Variants in CNTNAP2 observed in about 807,000 individuals in gnomAD.
CNTNAP2 encodes the protein contactin associated protein 2, also known as contactin-associated protein-like 2.
CNTNAP2 carries 98 observed loss-of-function variants against 155.2 expected under a neutral mutation model. The observed-to-expected ratio is 0.63, with a 90% CI of 0.54 to 0.75. CNTNAP2 has a LOEUF of 0.75. Among genes scored for constraint, CNTNAP2 ranks in the 30% least tolerant of loss-of-function variants. The pLI, the probability that CNTNAP2 is intolerant of heterozygous loss-of-function variation, is 0.00. For missense variants in CNTNAP2, 1,727 were observed against 1,688.1 expected (o/e 1.02, Z -0.40); for synonymous variants, 651 against 631.2 (o/e 1.03, Z -0.47).
intron 9 of CNTNAP2, among the ~76,000 whole-genome samples, chr7:147,337,449 A>G (rs1445581024): frequency 2.6e-5 from 4 of 152,124 alleles, no homozygotes; most frequent in South Asian, 2.1e-4. Context: ...TGCATTTCCA[A>G]TGTATTCTAC....
intron 21 of CNTNAP2, among the ~76,000 whole-genome samples, chr7:148,286,598 T>TAA (rs11424873): frequency 0.12 from 18,961 of 151,958 alleles, 1,433 homozygotes; most frequent in African/African-American, 0.21. Flanking sequence ...TAAAACACGT[T>TAA]AAAAAAAATC....
At chr7:147,405,466 T>C (rs1796990042) in intron 10 of CNTNAP2, among the ~76,000 whole-genome samples, 2 of 152,198 alleles carry the variant, frequency 1.3e-5, no homozygotes, top group African/African-American at 2.4e-5. Context: ...TGTAAAATAT[T>C]GGGACTGATA....
At chr7:146,737,193 C>T (rs1401025548) in intron 1 of CNTNAP2, among the ~76,000 whole-genome samples, 1 of 152,038 alleles carries the variant, frequency 6.6e-6, no homozygotes, top group South Asian at 2.1e-4. Flanking sequence ...TTGTGTACAA[C>T]ATGATGTTTT....
At chr7:146,969,829 T>C (rs370156006) in intron 3 of CNTNAP2, among the ~76,000 whole-genome samples, 7 of 151,934 alleles carry the variant, frequency 4.6e-5, no homozygotes, top group South Asian at 2.1e-4. Context: ...GCTACAGTAA[T>C]CAAAACAGCA....
At chr7:147,745,695 A>T (rs1294066398) in intron 13 of CNTNAP2, among the ~76,000 whole-genome samples, 1 of 152,220 alleles carries the variant, frequency 6.6e-6, no homozygotes, top group African/African-American at 2.4e-5. Context: ...TGGTAAAAAG[A>T]TTTAAAACAA....
At chr7:148,358,950 C>A (rs1473690268) in intron 21 of CNTNAP2, among the ~76,000 whole-genome samples, 1 of 152,192 alleles carries the variant, frequency 6.6e-6, no homozygotes, top group African/African-American at 2.4e-5. Flanking sequence ...ATGAGGACTC[C>A]TTAGCTCTTC....
At chr7:148,073,838 A>G (rs1002602678) in intron 15 of CNTNAP2, among the ~76,000 whole-genome samples, 13 of 152,056 alleles carry the variant, frequency 8.5e-5, no homozygotes, top group African/African-American at 2.9e-4. Context: ...CCAAGGCAAG[A>G]CACAAATATA....
chr7:147,473,925 C>G (rs1405369275), intron 10 of CNTNAP2, among the ~76,000 whole-genome samples: 4 of 151,554 alleles, frequency 2.6e-5, no homozygotes, highest in African/African-American at 9.7e-5. Context: ...ACTAAAAATT[C>G]AAAATCAGCC....
At chr7:147,200,327 C>T (rs1053524454) in intron 8 of CNTNAP2, among the ~76,000 whole-genome samples, 3 of 152,134 alleles carry the variant, frequency 2.0e-5, no homozygotes, top group Non-Finnish European at 2.9e-5. Flanking sequence ...TCCACGGATG[C>T]TGGCAGAAGA....
chr7:148,289,420 G>A (rs1282104381), intron 21 of CNTNAP2, among the ~76,000 whole-genome samples: 1 of 152,148 alleles, frequency 6.6e-6, no homozygotes, highest in Non-Finnish European at 1.5e-5. Flanking sequence ...GGAGTTTTCG[G>A]AACAGATTTG....
intron 4 of CNTNAP2, among the ~76,000 whole-genome samples, chr7:147,085,037 G>GAGAAAAGCATTTTTTCTCCAAGTT (rs1363432522): frequency 2.6e-5 from 4 of 151,830 alleles, no homozygotes; most frequent in Non-Finnish European, 4.4e-5. Context: ...TCTCAAAGTT[G>GAGAAAAGCATTTTTTCTCCAAGTT]AGAAAAGCAT....
chr7:146,625,916 C>A (rs1039732672), intron 1 of CNTNAP2, among the ~76,000 whole-genome samples: 1 of 152,052 alleles, frequency 6.6e-6, no homozygotes, highest in African/African-American at 2.4e-5. Context: ...TTATTAGCTA[C>A]AATGCCTCAC....
rs537176786 is a variant in CNTNAP2 at position 146,344,747 on chromosome 7, G to C, written c.97+227774G>C. On this transcript the variant is annotated intron_variant, in intron 1 of 23. Transcript: ENST00000361727. ...CCCACCTCGGCCTCCCAAAGTGCTG[G>C]ATTGCTGGCATGAGCCACTGCTCCC... is the stretch of plus-strand genomic sequence containing the variant. Among the ~76,000 whole-genome samples, 8 of 152,288 alleles carry C rather than the reference G, an allele frequency of 5.3e-5. No homozygotes were observed. The East Asian group carries it at 1.5e-3, about 29-fold the overall frequency.
At chr7:146,802,172 T>C (rs911231911) in intron 2 of CNTNAP2, among the ~76,000 whole-genome samples, 5 of 152,142 alleles carry the variant, frequency 3.3e-5, no homozygotes, top group African/African-American at 1.2e-4. Flanking sequence ...TTCTCTGATA[T>C]GGGTATCATG....
At chr7:146,794,772 C>A (rs534602715) in intron 2 of CNTNAP2, among the ~76,000 whole-genome samples, 32 of 152,130 alleles carry the variant, frequency 2.1e-4, no homozygotes, top group Non-Finnish European at 4.0e-4. Context: ...ATTATTCATT[C>A]AGAAAAACAA....
intron 8 of CNTNAP2, among the ~76,000 whole-genome samples, chr7:147,147,112 G>C (rs920968129): frequency 2.6e-5 from 4 of 152,134 alleles, no homozygotes; most frequent in African/African-American, 9.7e-5. Context: ...GAAGCGAAGG[G>C]GAAGCAAACT....
At chr7:147,343,438 T>G (rs969869358) in intron 9 of CNTNAP2, among the ~76,000 whole-genome samples, 2 of 152,094 alleles carry the variant, frequency 1.3e-5, no homozygotes, top group African/African-American at 4.8e-5. Context: ...AAGTGGAACA[T>G]GTGGATAAAA....
rs1257700139 is a variant in CNTNAP2, at chr7:146,252,718, T to A, written c.97+135745T>A. On this transcript the variant is annotated intron_variant, in intron 1 of 23. Coordinates refer to ENST00000361727, the MANE Select transcript of CNTNAP2 (RefSeq NM_014141.6). ...GCCAGTTATGTTTTAGGATACCCAT[T>A]GCCTTATATTCTTAAAAAGAAAAGA... Among the ~76,000 whole-genome samples, 7 of 152,036 alleles carry A rather than the reference T, an allele frequency of 4.6e-5. No homozygotes were observed. The East Asian group carries it at 9.7e-4, about 21-fold the overall frequency.
intron 15 of CNTNAP2, among the ~76,000 whole-genome samples, chr7:147,985,285 T>C (rs10276274): frequency 0.067 from 10,068 of 150,350 alleles, 745 homozygotes; most frequent in African/African-American, 0.19. Context: ...CCACTGGGGG[T>C]GGGGGGTGGG....
Sources: gnomAD v4.1 joint callset for allele counts (sites outside exome capture counted in the v4.1 genomes callset) on GRCh38, gnomAD v4.1.1 for gene constraint, MANE v1.5 for transcripts, NCBI Gene and HGNC (gene_info 2026-07-23, HGNC 2026-07-21) for gene names.